The following FLT1 variants were observed in gnomAD, a reference collection of about 807,000 sequenced individuals.
FLT1 encodes the protein fms related receptor tyrosine kinase 1, also known as vascular endothelial growth factor receptor 1.
A neutral mutation model predicts 156.3 loss-of-function variants in FLT1; 49 were observed. The ratio of observed to expected loss-of-function variants is 0.31; its 90% CI spans 0.25 to 0.40. The LOEUF (loss-of-function observed/expected upper bound fraction) is 0.40, where lower values mean the gene tolerates loss of function less well. FLT1 is among the 10% of genes least tolerant of loss of function. The pLI, the probability that FLT1 is intolerant of heterozygous loss-of-function variation, is 1.00. For synonymous variants in FLT1, 594 were observed against 583.8 expected (o/e 1.02, Z -0.25); for missense variants, 1,322 against 1,637.2 (o/e 0.81, Z 3.32).
intron 25 of FLT1, among the ~76,000 whole-genome samples, chr13:28,312,904 TC>T (rs1444978136): frequency 6.6e-6 from 1 of 152,246 alleles, no homozygotes; most frequent in Non-Finnish European, 1.5e-5. Flanking sequence ...TCAAATCTTG[TC>T]CTGGGATTCC....
chr13:28,321,638 T>C, intron 22 of FLT1, 53 bp from the exon 23 acceptor site: 1 of 1,579,754 alleles, frequency 6.3e-7, no homozygotes. Context: ...AACCAACTAA[T>C]TTCCTACACC....
intron 12 of FLT1, among the ~76,000 whole-genome samples, chr13:28,392,328 A>G (rs1361991825): frequency 1.3e-5 from 2 of 152,252 alleles, no homozygotes; most frequent in East Asian, 1.9e-4. Context: ...CACTTTTAAG[A>G]TAACAATAAG....
intron 13 of FLT1, chr13:28,389,225 G>T: frequency 1.8e-6 from 2 of 1,111,038 alleles, no homozygotes; most frequent in Non-Finnish European, 2.2e-6. Context: ...AAGAGCAGAT[G>T]AAATAGTCCC....
intron 14 of FLT1, among the ~76,000 whole-genome samples, chr13:28,376,555 T>G (rs1428879246): frequency 1.3e-5 from 2 of 152,216 alleles, no homozygotes; most frequent in Admixed American, 1.3e-4. Context: ...AGCCTTTTAA[T>G]GACTCTTTCA....
chr13:28,345,778 A>T (rs1405307230), intron 15 of FLT1: 1 of 445,628 alleles, frequency 2.2e-6, no homozygotes, highest in African/African-American at 2.0e-5. Context: ...TAATGAACTC[A>T]CATAGAAAAG....
At chr13:28,334,523 A>AT (rs1458864343) in intron 17 of FLT1, among the ~76,000 whole-genome samples, 1 of 152,088 alleles carries the variant, frequency 6.6e-6, no homozygotes, top group Non-Finnish European at 1.5e-5. Flanking sequence ...ATTTACAGTC[A>AT]TTTTTCTCTC....
chr13:28,473,756 AGG>A (rs1435936716), intron 1 of FLT1, among the ~76,000 whole-genome samples: 1 of 90,604 alleles, frequency 1.1e-5, no homozygotes, highest in African/African-American at 4.4e-5. Context: ...GAAGGAAGGA[AGG>A]AAGGAAGGAA....
intron 16 of FLT1, among the ~76,000 whole-genome samples, chr13:28,341,077 C>T (rs749786685): frequency 6.6e-6 from 1 of 152,142 alleles, no homozygotes; most frequent in Non-Finnish European, 1.5e-5. Flanking sequence ...GCTGAAACCT[C>T]GCAAGGGACA....
intron 14 of FLT1, among the ~76,000 whole-genome samples, chr13:28,381,678 G>T (rs1874084405): frequency 6.6e-6 from 1 of 152,136 alleles, no homozygotes; most frequent in African/African-American, 2.4e-5. Context: ...CCTCTCAAGG[G>T]ACTAGCTTTC....
chr13:28,400,696 C>T (rs115757682), intron 11 of FLT1, among the ~76,000 whole-genome samples: 3,276 of 152,042 alleles, frequency 0.022, 129 homozygotes, highest in African/African-American at 0.074. Context: ...GGGAAAAAAA[C>T]GAAAATAGCA....
chr13:28,393,740 G>T (rs1874874931), intron 12 of FLT1, among the ~76,000 whole-genome samples: 1 of 152,054 alleles, frequency 6.6e-6, no homozygotes, highest in African/African-American at 2.4e-5. Context: ...GCACGTGCCA[G>T]CAGGCCTAGC....
At chr13:28,489,155 C>T (rs1031292662) in intron 1 of FLT1, among the ~76,000 whole-genome samples, 3 of 152,172 alleles carry the variant, frequency 2.0e-5, no homozygotes, top group Non-Finnish European at 4.4e-5. Flanking sequence ...ACATCTCAAT[C>T]GCTCACTGAA....
At chr13:28,378,742 T>C (rs1466487310) in intron 14 of FLT1, among the ~76,000 whole-genome samples, 1 of 152,214 alleles carries the variant, frequency 6.6e-6, no homozygotes, top group Non-Finnish European at 1.5e-5. Flanking sequence ...CGCAGGTGCT[T>C]GTTAAGTAAA....
At chr13:28,345,399 T>C in intron 16 of FLT1, 46 bp downstream of exon 16, 2 of 1,247,142 alleles carry the variant, frequency 1.6e-6, no homozygotes, top group Non-Finnish European at 2.3e-6. Flanking sequence ...TCGGGCTTTT[T>C]AGAATATATG....
chr13:28,303,458 T>G (rs1870600555), intron 29 of FLT1, 90 bp from the exon 30 acceptor site: 1 of 1,161,034 alleles, frequency 8.6e-7, no homozygotes, highest in Non-Finnish European at 1.2e-6. Flanking sequence ...AGTGGGTCAT[T>G]TGTTCATACC....
chr13:28,362,489 T>A (rs1461295960), intron 14 of FLT1, among the ~76,000 whole-genome samples: 1 of 152,106 alleles, frequency 6.6e-6, no homozygotes, highest in African/African-American at 2.4e-5. Context: ...GATCTGAAAC[T>A]CAGCCAATTT....
chr13:28,475,478 C>T (rs1880490415), intron 1 of FLT1, among the ~76,000 whole-genome samples: 1 of 152,104 alleles, frequency 6.6e-6, no homozygotes, highest in Non-Finnish European at 1.5e-5. Context: ...GAGCCTTTTA[C>T]AAAGGTTGTT....
chr13:28,320,749 G>GC (rs1404836644), intron 23 of FLT1, among the ~76,000 whole-genome samples: 1 of 151,990 alleles, frequency 6.6e-6, no homozygotes, highest in Non-Finnish European at 1.5e-5. Context: ...GGCTTGTTAG[G>GC]CCAGCACACT....
intron 4 of FLT1, 71 bp downstream of exon 4, chr13:28,438,150 T>C (rs1484787446): frequency 9.5e-6 from 14 of 1,478,026 alleles, no homozygotes; most frequent in East Asian, 2.3e-5. Context: ...TCCAGAAAGA[T>C]AGAACGAGTA....
Sources: gnomAD v4.1 joint callset for allele counts (sites outside exome capture counted in the v4.1 genomes callset) on GRCh38, gnomAD v4.1.1 for gene constraint, MANE v1.5 for transcripts, NCBI Gene and HGNC (gene_info 2026-07-23, HGNC 2026-07-21) for gene names.